ZFHX3: variants seen among roughly 807,000 people sequenced by gnomAD.
The protein encoded by ZFHX3 is zinc finger homeobox protein 3.
ZFHX3 carries 42 observed loss-of-function variants against 279.1 expected under a neutral mutation model. The ratio of observed to expected loss-of-function variants is 0.15; its 90% CI spans 0.12 to 0.19. The LOEUF is 0.19. Ranked by LOEUF, ZFHX3 falls within the 10% of genes least tolerant of loss-of-function variation. The pLI is 1.00. For missense variants in ZFHX3, 4,981 were observed against 4,754.0 expected, an observed-to-expected ratio of 1.05 and a Z score of -1.40; for synonymous variants, 2,293 against 1,957.8, an observed-to-expected ratio of 1.17 and a Z score of -4.52.
At chr16:73,700,313 C>A (rs2142216002) in intron 1 of ZFHX3, among the ~76,000 whole-genome samples, 2 of 152,260 alleles carry the variant, frequency 1.3e-5, no homozygotes, top group South Asian at 4.1e-4. Flanking sequence ...CAAAGCCTGC[C>A]AGACAGATTT....
intron 1 of ZFHX3, among the ~76,000 whole-genome samples, chr16:73,705,248 GCAAT>G (rs2053291752): frequency 6.6e-6 from 1 of 152,114 alleles, no homozygotes; most frequent in Non-Finnish European, 1.5e-5. Flanking sequence ...TGAAAATGTA[GCAAT>G]CAGAGCATGC....
intron 1 of ZFHX3, chr16:73,058,397 C>T: frequency 5.7e-6 from 1 of 176,208 alleles, no homozygotes; most frequent in Non-Finnish European, 1.2e-5. Context: ...CGGGAGGGGG[C>T]AGGACGAGCC....
At chr16:73,808,971 C>T (rs939012367) in intron 1 of ZFHX3, among the ~76,000 whole-genome samples, 2 of 152,166 alleles carry the variant, frequency 1.3e-5, no homozygotes, top group African/African-American at 4.8e-5. Flanking sequence ...TGATTACTGA[C>T]CCAGTGCCGG....
chr16:73,189,733 C>T (rs1164909518), intron 5 of ZFHX3, among the ~76,000 whole-genome samples: 2 of 152,152 alleles, frequency 1.3e-5, no homozygotes, highest in Non-Finnish European at 2.9e-5. Flanking sequence ...GGGCATTCCC[C>T]CTGAGCTCAC....
chr16:72,826,265 C>G (rs2036924716), intron 5 of ZFHX3, among the ~76,000 whole-genome samples: 1 of 152,190 alleles, frequency 6.6e-6, no homozygotes, highest in Non-Finnish European at 1.5e-5. Flanking sequence ...TGAAAGTGTT[C>G]AGTACAGAGT....
intron 3 of ZFHX3, among the ~76,000 whole-genome samples, chr16:73,326,985 C>T (rs534772145): frequency 6.6e-6 from 1 of 152,286 alleles, no homozygotes; most frequent in East Asian, 1.9e-4. Context: ...CATAAACATT[C>T]CTGGGGATAA....
At chr16:73,784,830 C>T (rs1027784435) in intron 1 of ZFHX3, among the ~76,000 whole-genome samples, 12 of 147,848 alleles carry the variant, frequency 8.1e-5, no homozygotes, top group Admixed American at 2.7e-4. Context: ...CACACACACA[C>T]ACACACATAT....
At chr16:73,501,886 A>G (rs995455790) in intron 2 of ZFHX3, among the ~76,000 whole-genome samples, 54 of 152,326 alleles carry the variant, frequency 3.5e-4, no homozygotes, top group African/African-American at 9.9e-4. Context: ...AGGAGCCGAC[A>G]GTAGCCTCCT....
chr16:73,300,409 A>T (rs967282957), intron 4 of ZFHX3, among the ~76,000 whole-genome samples: 1 of 152,202 alleles, frequency 6.6e-6, no homozygotes, highest in South Asian at 2.1e-4. Flanking sequence ...TACCTAGAGG[A>T]CACTGAGGCA....
At chr16:73,793,823 G>A (rs182921642) in intron 1 of ZFHX3, among the ~76,000 whole-genome samples, 1 of 152,294 alleles carries the variant, frequency 6.6e-6, no homozygotes, top group East Asian at 1.9e-4. Flanking sequence ...ACGCTGGCAT[G>A]TGCCTTTTGA....
At chr16:73,463,254 G>A (rs919077366) in intron 2 of ZFHX3, among the ~76,000 whole-genome samples, 1 of 152,156 alleles carries the variant, frequency 6.6e-6, no homozygotes, top group East Asian at 1.9e-4. Flanking sequence ...TTTCATGTAA[G>A]TAATCCCATT....
intron 1 of ZFHX3, among the ~76,000 whole-genome samples, chr16:73,714,521 C>G (rs991196614): frequency 4.6e-5 from 7 of 152,176 alleles, no homozygotes; most frequent in African/African-American, 1.2e-4. Flanking sequence ...AAGTCTCCAT[C>G]CAGCCCAGTG....
At position 73,742,952 on chromosome 16, in the gene ZFHX3, A is replaced by AT. The variant is rs565395440; in HGVS notation, c.-1607-62713dup. Among the ~76,000 whole-genome samples the AT allele has an allele frequency of 1.8e-3, 269 of 152,180 alleles. 3 individuals carry two copies. The highest frequency in any genetic ancestry group is 6.2e-3 in the African/African-American group (256 of 41,550). ...TTGTCATTATTTATGTCATCATCAAATTTTTTTTAAACTACAATAATGTAG... is the reference window on the plus strand; with the variant it reads ...TTGTCATTATTTATGTCATCATCAAATTTTTTTTTAAACTACAATAATGTAG... On this transcript the variant is annotated intron_variant, in intron 1 of 17. Transcript: ENST00000641206.
At chr16:73,594,070 T>C (rs2052025151) in intron 2 of ZFHX3, among the ~76,000 whole-genome samples, 1 of 152,106 alleles carries the variant, frequency 6.6e-6, no homozygotes, top group Non-Finnish European at 1.5e-5. Context: ...GTAAAAATGA[T>C]TGAGAGGCTG....
chr16:73,448,096 G>A (rs182843602), intron 3 of ZFHX3, among the ~76,000 whole-genome samples: 2 of 152,252 alleles, frequency 1.3e-5, no homozygotes, highest in East Asian at 3.9e-4. Context: ...GTGTGTTTGT[G>A]GGGGCAGGGG....
chr16:73,046,054 C>T (rs1965289446), intron 1 of ZFHX3, among the ~76,000 whole-genome samples: 1 of 152,140 alleles, frequency 6.6e-6, no homozygotes, highest in Admixed American at 6.5e-5. Context: ...GAGGAGAACT[C>T]CTTAGTCCTG....
At chr16:73,393,874 T>C (rs1459042782) in intron 3 of ZFHX3, among the ~76,000 whole-genome samples, 2 of 148,764 alleles carry the variant, frequency 1.3e-5, no homozygotes, top group Admixed American at 1.3e-4. Context: ...CTATTATATA[T>C]ATATATATCT....
intron 2 of ZFHX3, among the ~76,000 whole-genome samples, chr16:73,642,965 C>T (rs747848451): frequency 1.3e-5 from 2 of 152,068 alleles, no homozygotes; most frequent in Non-Finnish European, 2.9e-5. Flanking sequence ...TTATTTCATG[C>T]CCTGCACCAA....
At chr16:73,079,387 T>C (rs2144764033) in intron 8 of ZFHX3, among the ~76,000 whole-genome samples, 1 of 152,120 alleles carries the variant, frequency 6.6e-6, no homozygotes, top group Admixed American at 6.5e-5. Flanking sequence ...TAGATAGGAA[T>C]GGTGGCACAT....
Sources: gnomAD v4.1 joint callset for allele counts (sites outside exome capture counted in the v4.1 genomes callset) on GRCh38, gnomAD v4.1.1 for gene constraint, MANE v1.5 for transcripts, NCBI Gene and HGNC (gene_info 2026-07-23, HGNC 2026-07-21) for gene names.